MECOM: variants seen among roughly 807,000 people sequenced by gnomAD.
MECOM encodes the protein MDS1 and EVI1 complex locus, also known as histone-lysine N-methyltransferase MECOM.
MECOM carries 13 observed loss-of-function variants against 116.3 expected under a neutral mutation model. The ratio of observed to expected loss-of-function variants is 0.11; its 90% CI spans 0.07 to 0.18. MECOM has a LOEUF of 0.18. Among genes scored for constraint, MECOM ranks in the 10% least tolerant of loss-of-function variants. MECOM has a pLI of 1.00. For missense variants in MECOM, 1,299 were observed against 1,509.0 expected, an observed-to-expected ratio of 0.86 and a Z score of 2.31; for synonymous variants, 528 against 535.2, an observed-to-expected ratio of 0.99 and a Z score of 0.19.
chr3:169,248,457 C>A (rs1043038392), intron 2 of MECOM, among the ~76,000 whole-genome samples: 1 of 152,184 alleles, frequency 6.6e-6, no homozygotes, highest in Admixed American at 6.5e-5. Context: ...AGTCTCTATA[C>A]ATGGTATAAC....
intron 1 of MECOM, among the ~76,000 whole-genome samples, chr3:169,404,933 G>A (rs934431590): frequency 4.6e-5 from 7 of 152,094 alleles, no homozygotes; most frequent in African/African-American, 1.7e-4. Context: ...AAGCAATCAG[G>A]CCCTGATATG....
chr3:169,404,610 C>G (rs950708735), intron 1 of MECOM, among the ~76,000 whole-genome samples: 4 of 152,214 alleles, frequency 2.6e-5, no homozygotes, highest in African/African-American at 9.6e-5. Flanking sequence ...TCAGGCTGAT[C>G]CGATGGGCCA....
chr3:169,428,394 C>T (rs1332715654), intron 1 of MECOM, among the ~76,000 whole-genome samples: 2 of 152,156 alleles, frequency 1.3e-5, no homozygotes, highest in African/African-American at 4.8e-5. Context: ...ATGCGCAGTT[C>T]ACAATAGGGT....
At chr3:169,262,422 A>G (rs936028453) in intron 2 of MECOM, among the ~76,000 whole-genome samples, 5 of 152,328 alleles carry the variant, frequency 3.3e-5, no homozygotes, top group African/African-American at 1.2e-4. Flanking sequence ...TGCTTCTCAG[A>G]TATCAAGAAA....
At chr3:169,401,004 C>T (rs1392647650) in intron 1 of MECOM, among the ~76,000 whole-genome samples, 1 of 152,186 alleles carries the variant, frequency 6.6e-6, no homozygotes, top group African/African-American at 2.4e-5. Flanking sequence ...CACCACAGTG[C>T]CATACCCTGT....
chr3:169,521,462 C>T (rs913302134), intron 1 of MECOM, among the ~76,000 whole-genome samples: 4 of 152,142 alleles, frequency 2.6e-5, no homozygotes, highest in African/African-American at 2.4e-5. Flanking sequence ...GAGCCCACAG[C>T]ATGTACTTTT....
intron 1 of MECOM, among the ~76,000 whole-genome samples, chr3:169,631,129 T>A (rs962585675): frequency 5.3e-5 from 8 of 152,276 alleles, no homozygotes; most frequent in Admixed American, 5.2e-4. Context: ...TGCCCTGGCT[T>A]CAAAGCCCAG....
At chr3:169,539,672 T>G (rs1192465592) in intron 1 of MECOM, among the ~76,000 whole-genome samples, 1 of 152,232 alleles carries the variant, frequency 6.6e-6, no homozygotes, top group Non-Finnish European at 1.5e-5. Flanking sequence ...AGCTCCCAGC[T>G]GATCCCTCAA....
At chr3:169,336,994 T>C (rs116277016) in intron 2 of MECOM, among the ~76,000 whole-genome samples, 1,713 of 152,264 alleles carry the variant, frequency 0.011, 30 homozygotes, top group African/African-American at 0.039. Flanking sequence ...AGAATAACTA[T>C]TTTTTAAAAA....
intron 1 of MECOM, among the ~76,000 whole-genome samples, chr3:169,454,102 A>C (rs1746060825): frequency 1.3e-5 from 2 of 152,136 alleles, no homozygotes; most frequent in South Asian, 4.1e-4. Flanking sequence ...GCTCATGAGG[A>C]ATAATATTAA....
chr3:169,216,953 A>G (rs1478231481), intron 2 of MECOM, among the ~76,000 whole-genome samples: 1 of 120,892 alleles, frequency 8.3e-6, no homozygotes, highest in African/African-American at 3.0e-5. Context: ...TTTAAGTCAT[A>G]AAAATCTACT....
At chr3:169,315,184 C>T (rs1015935785) in intron 2 of MECOM, among the ~76,000 whole-genome samples, 1 of 152,148 alleles carries the variant, frequency 6.6e-6, no homozygotes, top group East Asian at 1.9e-4. Context: ...ACAGGGCTTT[C>T]CCACATCTCC....
intron 2 of MECOM, among the ~76,000 whole-genome samples, chr3:169,369,596 C>T (rs1729760668): frequency 6.6e-6 from 1 of 151,804 alleles, no homozygotes; most frequent in Admixed American, 6.6e-5. Flanking sequence ...ATGATTCTCC[C>T]ACCTCAGCCA....
intron 2 of MECOM, among the ~76,000 whole-genome samples, chr3:169,220,621 CCCA>C (rs1190007060): frequency 9.9e-5 from 15 of 152,098 alleles, no homozygotes; most frequent in Non-Finnish European, 1.6e-4. Context: ...ATTACAGGTG[CCCA>C]CCACCACGCC....
At position 169,412,343 on chromosome 3, in the gene MECOM, G is replaced by GT. The variant is rs201106910; in HGVS notation, c.38-30820dup. ...AAAGATAAAAATAAATTAATTAAAA[G>GT]TTTTTTTTAAATTTATTTGGGTTAT... is the stretch of plus-strand genomic sequence containing the variant. On this transcript the variant is annotated intron_variant, in intron 1 of 16. Coordinates refer to ENST00000651503, the MANE Select transcript of MECOM (RefSeq NM_004991.4). 7.1e-3 allele frequency among the ~76,000 whole-genome samples: 1,074 copies of GT among 150,646 alleles called. 9 individuals are homozygous for GT. Among genetic ancestry groups the GT allele is most frequent in the African/African-American group, 0.025 (1,016 of 41,104 alleles).
At chr3:169,599,882 C>A (rs1417229105) in intron 1 of MECOM, among the ~76,000 whole-genome samples, 3 of 152,164 alleles carry the variant, frequency 2.0e-5, no homozygotes, top group Non-Finnish European at 4.4e-5. Context: ...GATGTAGGAA[C>A]CTGCCAGTTA....
At position 169,228,021 on chromosome 3, in the gene MECOM, C is replaced by T. The variant is rs191469893; in HGVS notation, c.376-84189G>A. 9.5e-4 allele frequency among the ~76,000 whole-genome samples: 145 copies of T among 152,274 alleles called. 1 individual carries two copies. Among genetic ancestry groups the T allele is most frequent in the African/African-American group, 3.4e-3 (142 of 41,558 alleles). The stretch of plus-strand genomic sequence containing the variant: ...TCAACAGAACAGACAATGCTGGGAA[C>T]GCCAGAGAACCTAGTAGCTAGCCCT... On this transcript the variant is annotated intron_variant, in intron 2 of 16. Coordinates refer to ENST00000651503, the MANE Select transcript of MECOM (RefSeq NM_004991.4).
chr3:169,659,088 A>AAAAGAAAAGAAAAG (rs1560546019), intron 1 of MECOM, among the ~76,000 whole-genome samples: 47 of 151,040 alleles, frequency 3.1e-4, no homozygotes, highest in African/African-American at 9.8e-4. Flanking sequence ...AAAAAAAAAA[A>AAAAGAAAAGAAAAG]AAAGAAAGAG....
intron 2 of MECOM, among the ~76,000 whole-genome samples, chr3:169,167,528 A>G (rs1743778405): frequency 6.6e-6 from 1 of 152,044 alleles, no homozygotes; most frequent in African/African-American, 2.4e-5. Context: ...ACAATAAACA[A>G]CTCCCAATAT....
Sources: allele counts gnomAD v4.1 joint callset (sites outside exome capture counted in the v4.1 genomes callset), GRCh38; gene constraint gnomAD v4.1.1; transcripts MANE v1.5; gene names NCBI Gene and HGNC (gene_info 2026-07-23, HGNC 2026-07-21).